LRGUK: variants seen among roughly 807,000 people sequenced by gnomAD.
LRGUK encodes leucine rich repeats and guanylate kinase domain containing, also known as leucine-rich repeat and guanylate kinase domain-containing protein.
In LRGUK, 65 loss-of-function variants were observed where a neutral mutation model predicts 76.0. That is an observed-to-expected ratio of 0.85 (90% CI 0.70 to 1.05). LRGUK has a LOEUF of 1.05. Ranked by LOEUF, LRGUK falls within the 50% of genes least tolerant of loss-of-function variation. LRGUK has a pLI of 0.00. For synonymous variants in LRGUK, 268 were observed against 265.6 expected (o/e 1.01, Z -0.09); for missense variants, 758 against 732.8 (o/e 1.03, Z -0.40).
intron 16 of LRGUK, among the ~76,000 whole-genome samples, chr7:134,242,200 GATC>G (rs1802175354): frequency 6.6e-6 from 1 of 152,120 alleles, no homozygotes; most frequent in Admixed American, 6.6e-5. Flanking sequence ...AAGTAACTAA[GATC>G]AGAGCAGAAC....
intron 10 of LRGUK, among the ~76,000 whole-genome samples, chr7:134,181,996 C>A (rs572014186): frequency 1.3e-5 from 2 of 152,218 alleles, no homozygotes; most frequent in South Asian, 4.1e-4. Flanking sequence ...AGCCATAGCA[C>A]CTCCCTCCCT....
rs201707398 is a variant in LRGUK at position 134,258,280 on chromosome 7, T to C, written c.2222T>C (p.Met741Thr). Residue 741 changes from methionine to threonine, a missense_variant, in exon 19 of 20, where the codon ATG becomes ACG. Transcript: ENST00000285928. ...AGTGGGAAGGATTCCTTGGTTTCCA[T>C]GAAATGTTCATTGTTTCGGTTCTGT... 36 of 1,614,102 alleles carry C rather than the reference T, an allele frequency of 2.2e-5. No individual in the cohort carries two copies. The East Asian group carries it at 7.4e-4, about 33-fold the overall frequency.
rs542670023 is a variant in LRGUK, at chr7:134,261,616, C to G, written c.2348-2229C>G. Among the ~76,000 whole-genome samples, 267 of 152,320 alleles carry G rather than the reference C, an allele frequency of 1.8e-3. 2 individuals carry two copies. The highest frequency in any genetic ancestry group is 6.2e-3 in the African/African-American group (256 of 41,568). On this transcript the variant is annotated intron_variant, in intron 19 of 19. Coordinates refer to the LRGUK transcript ENST00000285928. ...GGGAAAGTCCACTACTATGTGATTA[C>G]TAGTCAAATCTCTGTAGTGGAACCC...
intron 11 of LRGUK, 61 bp from the exon 12 acceptor site, chr7:134,191,594 A>C: frequency 9.3e-7 from 1 of 1,080,544 alleles, no homozygotes; most frequent in Non-Finnish European, 1.4e-6. Flanking sequence ...TTATATTGAA[A>C]CCTTTTCCAT....
chr7:134,222,749 C>T (rs1801633125), intron 16 of LRGUK, among the ~76,000 whole-genome samples: 1 of 152,134 alleles, frequency 6.6e-6, no homozygotes, highest in African/African-American at 2.4e-5. Flanking sequence ...GCTGGGATTA[C>T]AGGCATGCGC....
intron 16 of LRGUK, among the ~76,000 whole-genome samples, chr7:134,233,774 T>C (rs571864073): frequency 6.6e-6 from 1 of 152,314 alleles, no homozygotes; most frequent in South Asian, 2.1e-4. Flanking sequence ...CACCCAGGGA[T>C]CAACGTGAAT....
At chr7:134,241,846 A>G (rs1238640590) in intron 16 of LRGUK, among the ~76,000 whole-genome samples, 1 of 152,208 alleles carries the variant, frequency 6.6e-6, no homozygotes, top group Non-Finnish European at 1.5e-5. Flanking sequence ...AGAAATTATA[A>G]CAAACTGTCT....
rs560462529 is a variant in LRGUK, at chr7:134,131,719, A to G, written c.297+4055A>G. On this transcript the variant is annotated intron_variant, in intron 1 of 15. Coordinates refer to ENST00000645682, the Ensembl canonical transcript of LRGUK. ...GCAAGGAGATCAGTGAGAAGATTCT[A>G]GCAAAATCCAGGGGGAGTGAGAAGA... Among the ~76,000 whole-genome samples, 14 of 152,330 alleles carry G rather than the reference A, an allele frequency of 9.2e-5. No homozygotes were observed. In the East Asian group the frequency reaches 2.7e-3, roughly 29 times the overall value.
At chr7:134,179,934 C>A (rs2117006604) in intron 10 of LRGUK, among the ~76,000 whole-genome samples, 1 of 152,302 alleles carries the variant, frequency 6.6e-6, no homozygotes, top group Non-Finnish European at 1.5e-5. Context: ...GAACCCCAAC[C>A]CTTGGCTTTG....
intron 11 of LRGUK, among the ~76,000 whole-genome samples, chr7:134,185,452 T>C (rs532108530): frequency 6.6e-6 from 1 of 151,742 alleles, no homozygotes; most frequent in East Asian, 1.9e-4. Flanking sequence ...TCCCAGCTGC[T>C]CGGGAGGCTG....
At chr7:134,222,360 C>A (rs1029455609) in intron 16 of LRGUK, among the ~76,000 whole-genome samples, 6 of 152,206 alleles carry the variant, frequency 3.9e-5, no homozygotes, top group Non-Finnish European at 7.3e-5. Context: ...CACTTAGTCC[C>A]AACTTATTTC....
At chr7:134,186,511 CTGAT>C (rs1437114869) in intron 11 of LRGUK, among the ~76,000 whole-genome samples, 3 of 152,306 alleles carry the variant, frequency 2.0e-5, no homozygotes, top group Admixed American at 6.5e-5. Flanking sequence ...AACTGACTGA[CTGAT>C]TGAGTGAATG....
chr7:134,155,913 G>A (rs150275301), intron 5 of LRGUK, among the ~76,000 whole-genome samples: 3 of 152,222 alleles, frequency 2.0e-5, no homozygotes, highest in East Asian at 1.9e-4. Flanking sequence ...TCTGATTAAC[G>A]GAAGGAGATA....
chr7:134,128,962 C>G (rs959694085), intron 1 of LRGUK, among the ~76,000 whole-genome samples: 4 of 152,174 alleles, frequency 2.6e-5, no homozygotes, highest in African/African-American at 7.2e-5. Context: ...TAGGTTTTTT[C>G]TCCCCTTTCC....
chr7:134,147,312 A>G (rs1449427222), intron 4 of LRGUK, among the ~76,000 whole-genome samples: 1 of 151,798 alleles, frequency 6.6e-6, no homozygotes, highest in Non-Finnish European at 1.5e-5. Context: ...GCACACGTCT[A>G]TAGTCCCAGC....
exon 16 of LRGUK, chr7:134,210,171 A>C (rs1355663196): frequency 2.5e-6 from 1 of 399,220 alleles, no homozygotes; most frequent in Admixed American, 4.4e-5. Flanking sequence ...CCAGCCTTGC[A>C]GCTAGAACCC....
At chr7:134,223,687 A>G (rs908281675) in intron 16 of LRGUK, among the ~76,000 whole-genome samples, 2 of 152,220 alleles carry the variant, frequency 1.3e-5, no homozygotes, top group Non-Finnish European at 2.9e-5. Context: ...CATGGTTGAC[A>G]TGGAGATGCT....
rs554679228 is a variant in LRGUK at position 134,203,727 on chromosome 7, A to T, written c.1843+2151A>T. Among the ~76,000 whole-genome samples the T allele has an allele frequency of 2.1e-4, 32 of 152,248 alleles. 1 individual carries two copies. The highest frequency in any genetic ancestry group is 7.5e-4 in the African/African-American group (31 of 41,554). On this transcript the variant is annotated intron_variant, in intron 15 of 15. Coordinates refer to ENST00000645682, the Ensembl canonical transcript of LRGUK. ...CAAAGTGGGGATTGGGGAACATTAG[A>T]TTGGGAGCATGTCAGTGTATGTATC...
chr7:134,265,466 A>T (rs1037104145), downstream of LRGUK, among the ~76,000 whole-genome samples: 2 of 152,130 alleles, frequency 1.3e-5, no homozygotes, highest in African/African-American at 4.8e-5. Context: ...TGCTAGAGAA[A>T]CTAAAATTCA....
Sources: gnomAD v4.1 joint callset for allele counts (sites outside exome capture counted in the v4.1 genomes callset) on GRCh38, gnomAD v4.1.1 for gene constraint, MANE v1.5 for transcripts, NCBI Gene and HGNC (gene_info 2026-07-23, HGNC 2026-07-21) for gene names.